The following LDB2 variants were observed in gnomAD, a reference collection of about 807,000 sequenced individuals.
LDB2 encodes the protein LIM domain-binding protein 2.
LDB2 carries 12 observed loss-of-function variants against 44.3 expected under a neutral mutation model. The observed-to-expected ratio is 0.27, with a 90% CI of 0.17 to 0.44. The LOEUF (loss-of-function observed/expected upper bound fraction) is 0.44, where lower values mean the gene tolerates loss of function less well. Ranked by LOEUF, LDB2 falls within the 20% of genes least tolerant of loss-of-function variation. The pLI is 1.00. For missense variants in LDB2, 344 were observed against 473.5 expected (o/e 0.73, Z 2.54); for synonymous variants, 164 against 174.8 (o/e 0.94, Z 0.49).
chr4:16,508,449 TCTAATGAAAAGAGAC>T, intron 7 of LDB2, 71 bp downstream of exon 7: 2 of 1,238,708 alleles, frequency 1.6e-6, no homozygotes, highest in South Asian at 2.2e-5. Context: ...TTTTTTTTTT[TCTAATGAAAAGAGAC>T]TTTAATTTGG....
intron 4 of LDB2, among the ~76,000 whole-genome samples, chr4:16,586,509 C>A (rs759031798): frequency 0.25 from 34,167 of 137,796 alleles, 4,021 homozygotes; most frequent in East Asian, 0.32. Flanking sequence ...CACACACACA[C>A]ACACACACAC....
At chr4:16,756,022 T>C (rs1766569431) in intron 2 of LDB2, among the ~76,000 whole-genome samples, 1 of 152,174 alleles carries the variant, frequency 6.6e-6, no homozygotes, top group Admixed American at 6.5e-5. Flanking sequence ...GCTTAAGAGA[T>C]GGAGCACGTG....
At chr4:16,580,224 A>T (rs1285764546) in intron 5 of LDB2, among the ~76,000 whole-genome samples, 2 of 152,166 alleles carry the variant, frequency 1.3e-5, no homozygotes, top group Non-Finnish European at 2.9e-5. Flanking sequence ...GCATGGAATG[A>T]GGCTGGGAGG....
intron 2 of LDB2, among the ~76,000 whole-genome samples, chr4:16,745,685 C>T (rs762566675): frequency 1.7e-4 from 26 of 152,050 alleles, no homozygotes; most frequent in Middle Eastern, 3.2e-3. Flanking sequence ...GCAGCAATGT[C>T]GAAGGGATTT....
At chr4:16,615,460 A>G (rs1378288895) in intron 2 of LDB2, among the ~76,000 whole-genome samples, 5 of 152,224 alleles carry the variant, frequency 3.3e-5, no homozygotes, top group Non-Finnish European at 7.3e-5. Context: ...TTGCAGGGAC[A>G]TGGATGAAGC....
chr4:16,516,617 A>G (rs1723832676), intron 5 of LDB2, among the ~76,000 whole-genome samples: 1 of 152,196 alleles, frequency 6.6e-6, no homozygotes, highest in African/African-American at 2.4e-5. Context: ...TTGGACCTAG[A>G]AAGGACTATC....
At chr4:16,589,007 A>G (rs148629283) in intron 3 of LDB2, among the ~76,000 whole-genome samples, 175 bp from the exon 4 acceptor site, 175 of 152,304 alleles carry the variant, frequency 1.1e-3, no homozygotes, top group African/African-American at 3.9e-3. Flanking sequence ...TCAGCTCTAA[A>G]ATCAGTGGGT....
intron 2 of LDB2, among the ~76,000 whole-genome samples, chr4:16,657,294 T>C (rs1272304738): frequency 6.6e-6 from 1 of 152,304 alleles, no homozygotes; most frequent in African/African-American, 2.4e-5. Context: ...ATGATGCCAA[T>C]CAATACTCAA....
intron 2 of LDB2, among the ~76,000 whole-genome samples, chr4:16,685,500 T>C (rs758780285): frequency 2.0e-5 from 3 of 152,168 alleles, no homozygotes; most frequent in Non-Finnish European, 4.4e-5. Context: ...TTACATAAAC[T>C]CTATAAGGCT....
At chr4:16,861,883 C>T (rs1712704714) in intron 1 of LDB2, among the ~76,000 whole-genome samples, 1 of 152,220 alleles carries the variant, frequency 6.6e-6, no homozygotes, top group Non-Finnish European at 1.5e-5. Flanking sequence ...AACCTATACA[C>T]CTGCGGGGAT....
chr4:16,753,974 C>T (rs1765979479), intron 2 of LDB2, among the ~76,000 whole-genome samples: 1 of 152,140 alleles, frequency 6.6e-6, no homozygotes, highest in Non-Finnish European at 1.5e-5. Flanking sequence ...CCCATCAAAC[C>T]CTTACGTTTC....
At chr4:16,861,881 C>T (rs1049269714) in intron 1 of LDB2, among the ~76,000 whole-genome samples, 1 of 152,234 alleles carries the variant, frequency 6.6e-6, no homozygotes, top group Admixed American at 6.5e-5. Context: ...CGAACCTATA[C>T]ACCTGCGGGG....
chr4:16,867,803 G>A (rs1345138577), intron 1 of LDB2, among the ~76,000 whole-genome samples: 2 of 152,142 alleles, frequency 1.3e-5, no homozygotes, highest in African/African-American at 2.4e-5. Context: ...GAAGTCCAAG[G>A]GTGAAAAATG....
At chr4:16,887,032 CAAAAAAAAAAAAA>C (rs371783496) in intron 1 of LDB2, among the ~76,000 whole-genome samples, 4 of 50,446 alleles carry the variant, frequency 7.9e-5, no homozygotes, top group African/African-American at 1.3e-4. Context: ...AACTCCGTCT[CAAAAAAAAAAAAA>C]AAAAAAAAAA....
chr4:16,556,781 C>T (rs1173614712), intron 5 of LDB2, among the ~76,000 whole-genome samples: 8 of 152,136 alleles, frequency 5.3e-5, no homozygotes, highest in Non-Finnish European at 1.0e-4. Context: ...GAGTCAGTCT[C>T]GTTACCAGTT....
chr4:16,551,031 C>T (rs557254820), intron 5 of LDB2, among the ~76,000 whole-genome samples: 1 of 152,242 alleles, frequency 6.6e-6, no homozygotes, highest in South Asian at 2.1e-4. Context: ...ACACCATTTA[C>T]ATTAAGTTAA....
intron 2 of LDB2, among the ~76,000 whole-genome samples, chr4:16,692,815 G>A (rs1751126523): frequency 2.6e-5 from 4 of 152,158 alleles, no homozygotes; most frequent in Admixed American, 2.6e-4. Flanking sequence ...TCGCTTTTGT[G>A]TTTCTCACAG....
chr4:16,705,905 G>T (rs1754499714), intron 2 of LDB2, among the ~76,000 whole-genome samples: 1 of 152,058 alleles, frequency 6.6e-6, no homozygotes, highest in African/African-American at 2.4e-5. Flanking sequence ...ACTTAAGAAT[G>T]ATATCCACAA....
At chr4:16,735,381 A>G (rs562770315) in intron 2 of LDB2, among the ~76,000 whole-genome samples, 4 of 152,196 alleles carry the variant, frequency 2.6e-5, no homozygotes, top group South Asian at 2.1e-4. Flanking sequence ...ATCAATGACT[A>G]TATAAATAAA....
Sources: gnomAD v4.1 joint callset for allele counts (sites outside exome capture counted in the v4.1 genomes callset) on GRCh38, gnomAD v4.1.1 for gene constraint, MANE v1.5 for transcripts, NCBI Gene and HGNC (gene_info 2026-07-23, HGNC 2026-07-21) for gene names.